The following LYST variants were observed in gnomAD, a reference collection of about 807,000 sequenced individuals.
LYST encodes the protein lysosomal-trafficking regulator.
In LYST, 192 loss-of-function variants were observed where a neutral mutation model predicts 413.6. The observed-to-expected ratio is 0.46, with a 90% CI of 0.41 to 0.52. LYST has a LOEUF of 0.52. Ranked by LOEUF, LYST falls within the 20% of genes least tolerant of loss-of-function variation. The pLI is 0.00. For missense variants in LYST, 3,815 were observed against 4,499.9 expected, an observed-to-expected ratio of 0.85 and a Z score of 4.35; for synonymous variants, 1,525 against 1,567.3, an observed-to-expected ratio of 0.97 and a Z score of 0.64.
rs1403194468 is a variant in LYST at position 235,752,176 on chromosome 1, A to G, written c.7461-5T>C. The G allele has an allele frequency of 3.8e-6, 6 of 1,596,454 alleles. No individual in the cohort carries two copies. The East Asian group carries it at 1.3e-4, about 36-fold the overall frequency. On this transcript the variant is annotated splice_region_variant and splice_polypyrimidine_tract_variant and intron_variant, in intron 26 of 52. Transcript: ENST00000389793. ...TTATATTCACTCATGGGAATGCTAA[A>G]GATAACAACAAAAGAAGAAAACAGA... is the stretch of plus-strand genomic sequence containing the variant.
At chr1:235,836,961 T>C (rs1055299775) in intron 1 of LYST, among the ~76,000 whole-genome samples, 2 of 152,174 alleles carry the variant, frequency 1.3e-5, no homozygotes, top group Admixed American at 1.3e-4. Context: ...ATATCATCAA[T>C]AAATTTTTAA....
chr1:235,683,090 G>A (rs1221938047), intron 48 of LYST, among the ~76,000 whole-genome samples: 1 of 152,192 alleles, frequency 6.6e-6, no homozygotes, highest in Admixed American at 6.5e-5. Flanking sequence ...TGTGAAATGA[G>A]TAACAGTTAT....
chr1:235,797,024 T>A (rs1671621386), intron 10 of LYST, among the ~76,000 whole-genome samples: 1 of 152,160 alleles, frequency 6.6e-6, no homozygotes, highest in Non-Finnish European at 1.5e-5. Flanking sequence ...TATACACTGA[T>A]GGTAAGAATA....
intron 40 of LYST, among the ~76,000 whole-genome samples, chr1:235,717,229 C>A (rs1487404790): frequency 6.6e-6 from 1 of 152,124 alleles, no homozygotes; most frequent in Non-Finnish European, 1.5e-5. Flanking sequence ...GTGTTATTAG[C>A]CTAGTTAGTT....
At chr1:235,816,217 A>G (rs1282973565) in intron 3 of LYST, among the ~76,000 whole-genome samples, 1 of 147,924 alleles carries the variant, frequency 6.8e-6, no homozygotes, top group Non-Finnish European at 1.5e-5. Context: ...CAAGGCAGGT[A>G]GATCACAAGG....
chr1:235,837,130 T>G (rs372303291), intron 1 of LYST, among the ~76,000 whole-genome samples: 1 of 152,026 alleles, frequency 6.6e-6, no homozygotes, highest in Non-Finnish European at 1.5e-5. Flanking sequence ...ACCTAGAGAA[T>G]GAGTGTAAGG....
intron 50 of LYST, among the ~76,000 whole-genome samples, chr1:235,675,578 G>A: frequency 6.6e-6 from 1 of 152,160 alleles, no homozygotes; most frequent in Non-Finnish European, 1.5e-5. Context: ...ACAACTGTGT[G>A]CCAGAACATG....
rs1352729296 is a variant in LYST at position 235,843,432 on chromosome 1, T to C, written c.-97-9765A>G. Among the ~76,000 whole-genome samples the C allele has an allele frequency of 3.3e-5, 5 of 152,272 alleles. No individual in the cohort carries two copies. The East Asian group carries it at 9.6e-4, about 29-fold the overall frequency. On this transcript the variant is annotated intron_variant, in intron 1 of 52. Coordinates refer to ENST00000389793, the MANE Select transcript of LYST (RefSeq NM_000081.4). The stretch of plus-strand genomic sequence containing the variant: ...CAATTACTAGCTAGTCACACAGAGC[T>C]GTGTGAAGTTTGGCTGCCTCTTCCA...
chr1:235,720,996 T>TTGTA, intron 39 of LYST, 91 bp from the exon 40 acceptor site: 1 of 1,304,994 alleles, frequency 7.7e-7, no homozygotes, highest in Non-Finnish European at 1.1e-6. Context: ...ATAGACATGT[T>TTGTA]ACAAATCTCA....
rs1658162613 is a variant in LYST, at chr1:235,663,095, AT to A, written c.11268-18del. The stretch of plus-strand genomic sequence containing the variant: ...AATGTAAGGCTGTAAAAAAAAAAAA[AT>A]TCCCATTTGTACATTATATTTCTTA... On this transcript the variant is annotated intron_variant, in intron 52 of 52. Transcript: ENST00000389793. 8.0e-6 allele frequency: 10 copies of A among 1,250,516 alleles called. No individual in the cohort carries two copies. Among genetic ancestry groups the A allele is most frequent in the African/African-American group, 1.6e-5 (1 of 63,670 alleles). The allele number at this position is 1,250,516 out of a possible 1,614,324, so 77.5% of individuals were successfully genotyped here.
chr1:235,761,757 G>A (rs1434512399), intron 22 of LYST, among the ~76,000 whole-genome samples: 1 of 150,166 alleles, frequency 6.7e-6, no homozygotes, highest in Non-Finnish European at 1.5e-5. Flanking sequence ...GAACTTTGGA[G>A]TGTGATTAAA....
chr1:235,862,838 C>CAA (rs1301676364), intron 1 of LYST, among the ~76,000 whole-genome samples: 1 of 148,698 alleles, frequency 6.7e-6, no homozygotes, highest in African/African-American at 2.5e-5. Context: ...CACACACACA[C>CAA]ACACACACAC....
chr1:235,747,628 T>C (rs934141494), intron 28 of LYST, among the ~76,000 whole-genome samples: 4 of 152,296 alleles, frequency 2.6e-5, no homozygotes, highest in Non-Finnish European at 5.9e-5. Flanking sequence ...TTCTTCCTAA[T>C]GTCTACATCT....
intron 1 of LYST, among the ~76,000 whole-genome samples, chr1:235,838,795 T>C (rs973082322): frequency 2.6e-5 from 4 of 152,208 alleles, no homozygotes; most frequent in African/African-American, 9.6e-5. Context: ...AATTTTCTCC[T>C]CTTATTTTTC....
At chr1:235,699,347 C>A (rs1207024875) in intron 45 of LYST, among the ~76,000 whole-genome samples, 1 of 152,144 alleles carries the variant, frequency 6.6e-6, no homozygotes, top group Non-Finnish European at 1.5e-5. Flanking sequence ...GTCTGGTTTT[C>A]TGTTCTTGTG....
At chr1:235,769,418 T>C (rs1395030933) in intron 20 of LYST, among the ~76,000 whole-genome samples, 3 of 152,056 alleles carry the variant, frequency 2.0e-5, no homozygotes, top group Non-Finnish European at 4.4e-5. Context: ...AGATTTTGAA[T>C]TTTAGCCCAA....
chr1:235,768,917 G>A (rs1668393236), intron 20 of LYST, among the ~76,000 whole-genome samples: 2 of 152,066 alleles, frequency 1.3e-5, no homozygotes, highest in African/African-American at 4.8e-5. Flanking sequence ...CAGGGGCCAA[G>A]AAAGGCAATA....
chr1:235,720,701 C>A lies in LYST; in HGVS notation c.9520G>T (p.Val3174Phe). Residue 3174 changes from valine to phenylalanine, a missense_variant, in exon 40 of 53, where the codon GTT (valine) becomes TTT (phenylalanine). Physicochemically the swap from Val to Phe is conservative, Grantham distance 50. Transcript: ENST00000389793. ...TCATTGAGGTCAAGTGTCTCACTAA[C>A]GTAGTCAGCAAGTATAAATGGGAAC... is the stretch of plus-strand genomic sequence containing the variant. ...PVFPFILADY[V>F]SETLDLNDLL... 6.2e-7 allele frequency: 1 copy of A among 1,613,578 alleles called. No individual in the cohort carries two copies. The highest frequency in any genetic ancestry group is 1.1e-5 in the South Asian group (1 of 91,066).
intron 50 of LYST, among the ~76,000 whole-genome samples, chr1:235,666,753 T>C (rs111364330): frequency 1.3e-3 from 193 of 152,260 alleles, no homozygotes; most frequent in African/African-American, 4.5e-3. Flanking sequence ...ATATTTTCCA[T>C]GAGTAGGCTA....
Sources: allele counts gnomAD v4.1 joint callset (sites outside exome capture counted in the v4.1 genomes callset), GRCh38; gene constraint gnomAD v4.1.1; transcripts MANE v1.5; gene names NCBI Gene and HGNC (gene_info 2026-07-23, HGNC 2026-07-21).